The following UBR4 variants were observed in gnomAD, a reference collection of about 807,000 sequenced individuals.
UBR4 encodes ubiquitin protein ligase E3 component n-recognin 4.
A neutral mutation model predicts 575.6 loss-of-function variants in UBR4; 124 were observed. The ratio of observed to expected loss-of-function variants is 0.22; its 90% CI spans 0.19 to 0.25. The LOEUF (loss-of-function observed/expected upper bound fraction) is 0.25, where lower values mean the gene tolerates loss of function less well. UBR4 is among the 10% of genes least tolerant of loss of function. The pLI is 1.00. For synonymous variants in UBR4, 2,455 were observed against 2,473.7 expected, an observed-to-expected ratio of 0.99 and a Z score of 0.22; for missense variants, 4,818 against 6,478.8, an observed-to-expected ratio of 0.74 and a Z score of 8.80.
chr1:19,153,398 G>A lies in UBR4; in HGVS notation c.6735C>T (p.Asn2245=), dbSNP rs375042914. The A allele has an allele frequency of 4.3e-5, 70 of 1,614,166 alleles. 1 individual carries two copies. The South Asian group carries it at 6.3e-4, about 14-fold the overall frequency. Residue 2245 remains asparagine (N), a synonymous_variant, in exon 46 of 106, where the codon AAC becomes AAT. Coordinates refer to ENST00000375254, the MANE Select transcript of UBR4 (RefSeq NM_020765.3). The surrounding 1 kb of genome is among the most constrained non-coding windows in gnomAD (Gnocchi z 4.1). ...GCAGCCAGTAGGAGGTGTTCTCCAC[G>A]TTGGCCATGTAAATGCGCAGGCTGC... is the stretch of plus-strand genomic sequence containing the variant. ...EDGSLRIYMA[N]VENTSYWLQP...
chr1:19,178,946 T>C, intron 18 of UBR4, 105 bp downstream of exon 18: 1 of 1,405,894 alleles, frequency 7.1e-7, no homozygotes, highest in Non-Finnish European at 9.8e-7. Flanking sequence ...CTCTAAACAT[T>C]ATCATTACAG....
intron 33 of UBR4, 70 bp from the exon 34 acceptor site, chr1:19,163,897 A>T (rs1429115268): frequency 1.3e-6 from 2 of 1,495,152 alleles, no homozygotes; most frequent in Admixed American, 1.7e-5. Context: ...GAAATGAGGC[A>T]TCTTCATTAA....
intron 1 of UBR4, among the ~76,000 whole-genome samples, chr1:19,207,560 C>T (rs12723349): frequency 6.6e-6 from 1 of 152,038 alleles, no homozygotes; most frequent in African/African-American, 2.4e-5. Flanking sequence ...ACCTGGGAGG[C>T]GTAGGTTGCA....
rs148969211 is a variant in UBR4, at chr1:19,106,724, T to A, written c.12238A>T (p.Ile4080Leu). 2.5e-6 allele frequency: 4 copies of A among 1,598,852 alleles called. No homozygotes were observed. The highest frequency in any genetic ancestry group is 3.4e-6 in the Non-Finnish European group (4 of 1,171,314). Residue 4080 changes from isoleucine to leucine, a missense_variant and splice_region_variant, in exon 83 of 106, where the codon ATA becomes TTA. Transcript: ENST00000375254. Reference sequence around the variant, plus strand: ...CTGGGGGCTTTCCCATTGCCATCTATCCCTGCAAGGCCAAGGGTTGCAGGG... The same window carrying A: ...CTGGGGGCTTTCCCATTGCCATCTAACCCTGCAAGGCCAAGGGTTGCAGGG... ...AWKKCLPIRG[I>L]DGNGKAPSKS...
Position 19,124,669 on chromosome 1 carries a change from C to CA in UBR4, c.9459dup (p.Glu3154Ter), listed in dbSNP as rs1216271584. On this transcript the variant is annotated frameshift_variant, in exon 65 of 106. Coordinates refer to ENST00000375254, the MANE Select transcript of UBR4 (RefSeq NM_020765.3). LOFTEE classifies it high-confidence loss of function. ...TCTGTTAGAAGCTGAGTATAGGCCTCAAACACATCAGCAGCATGACCCTGG... is the reference window on the plus strand; with the variant it reads ...TCTGTTAGAAGCTGAGTATAGGCCTCAAAACACATCAGCAGCATGACCCTGG... 1 of 1,613,866 alleles carries CA rather than the reference C, an allele frequency of 6.2e-7. No homozygotes were observed. The highest frequency in any genetic ancestry group is 8.5e-7 in the Non-Finnish European group (1 of 1,179,964).
Position 19,197,273 on chromosome 1 carries a change from A to G in UBR4, c.894-8T>C. ...ATCACCAATGAATGAAAGCTGGAAC[A>G]TGACAGAGATCAACAAGTGTCTCTT... On this transcript the variant is annotated splice_region_variant and splice_polypyrimidine_tract_variant and intron_variant, in intron 7 of 105. Transcript: ENST00000375254. 1 of 1,614,130 alleles carries G rather than the reference A, an allele frequency of 6.2e-7. No homozygotes were observed. The highest frequency in any genetic ancestry group is 8.5e-7 in the Non-Finnish European group (1 of 1,179,974).
rs1239640970 is a variant in UBR4 at position 19,117,565 on chromosome 1, T to C, written c.10630-151A>G. The C allele has an allele frequency of 8.0e-6, 8 of 1,005,330 alleles. No individual in the cohort carries two copies. Among genetic ancestry groups the C allele is most frequent in the Non-Finnish European group, 1.1e-5 (8 of 703,076 alleles). The allele number at this position is 1,005,330 out of a possible 1,614,324, so 62.3% of individuals were successfully genotyped here. Reference sequence around the variant, plus strand: ...TTTGTAGAGATGGGGTCTCACCATCTTGCCCAGGCTGGTCTAAAACCCCTG... The same window carrying C: ...TTTGTAGAGATGGGGTCTCACCATCCTGCCCAGGCTGGTCTAAAACCCCTG... On this transcript the variant is annotated intron_variant, in intron 72 of 105. Coordinates refer to ENST00000375254, the MANE Select transcript of UBR4 (RefSeq NM_020765.3). The surrounding 1 kb of genome is among the most constrained non-coding windows in gnomAD (Gnocchi z 4.0).
rs754695213 is a variant in UBR4, at chr1:19,150,738, A to G, written c.7269T>C (p.Tyr2423=). The change falls in exon 49 of 106, where the codon TAT becomes TAC. Residue 2423 remains tyrosine, a synonymous_variant. Transcript: ENST00000375254. ...AGCCAAACTGCTCCTTAGTCTTGCC[A>G]TAAATTTTTACAGCATCTATCATGG... ...GVTMIDAVKI[Y]GKTKEQFGWP... 1.7e-5 allele frequency: 28 copies of G among 1,614,010 alleles called. No homozygotes were observed. The highest frequency in any genetic ancestry group is 5.0e-5 in the Admixed American group (3 of 60,006).
intron 86 of UBR4, 152 bp from the exon 87 acceptor site, chr1:19,104,409 T>C: frequency 1.7e-6 from 2 of 1,203,122 alleles, no homozygotes; most frequent in Non-Finnish European, 1.2e-6. Flanking sequence ...AAACAGTCAA[T>C]AGCAAACAGG....
Position 19,139,223 on chromosome 1 carries a change from G to C in UBR4, c.8594-3C>G. 6.2e-7 allele frequency: 1 copy of C among 1,603,512 alleles called. No homozygotes were observed. The highest frequency in any genetic ancestry group is 8.5e-7 in the Non-Finnish European group (1 of 1,174,340). On this transcript the variant is annotated splice_region_variant and splice_polypyrimidine_tract_variant and intron_variant, in intron 58 of 105. Transcript: ENST00000375254. The surrounding 1 kb of genome is among the most constrained non-coding windows in gnomAD (Gnocchi z 4.2). ...GCCCTCGTCGTCTGAGGCTGGAGCT[G>C]AGAGAGTAACGAGAGCTGTTACAGG...
At chr1:19,155,392 C>T (rs921611965) in intron 43 of UBR4, 49 bp downstream of exon 43, 2 of 1,540,482 alleles carry the variant, frequency 1.3e-6, no homozygotes, top group Middle Eastern at 1.7e-4. Context: ...AGAGGAGTTG[C>T]TAAATAATTA....
chr1:19,115,735 G>C, intron 73 of UBR4, 98 bp from the exon 74 acceptor site: 1 of 1,516,700 alleles, frequency 6.6e-7, no homozygotes, highest in South Asian at 1.3e-5. Flanking sequence ...ATTTTTCTAA[G>C]GCAATTAAGT....
At position 19,144,855 on chromosome 1, in the gene UBR4, G is replaced by A; in HGVS notation, c.7998C>T (p.Gly2666=). The change falls in exon 54 of 106, where the codon GGC becomes GGT. Residue 2666 remains glycine (G), a synonymous_variant. Coordinates refer to ENST00000375254, the MANE Select transcript of UBR4 (RefSeq NM_020765.3). ...TVNALVDIIH[G]YCTCELDCIN... ...TACAATCCAGCTCACAGGTACAGTA[G>A]CCATGGATGATGTCCACCAGAGCAT... 6.2e-7 allele frequency: 1 copy of A among 1,614,164 alleles called. No individual in the cohort carries two copies. The highest frequency in any genetic ancestry group is 2.2e-5 in the East Asian group (1 of 44,870).
chr1:19,178,820 G>A (rs12041047), intron 18 of UBR4, among the ~76,000 whole-genome samples: 2 of 152,118 alleles, frequency 1.3e-5, no homozygotes, highest in Admixed American at 6.5e-5. Flanking sequence ...TGGTTCCATC[G>A]CATAATTATA....
intron 9 of UBR4, 78 bp from the exon 10 acceptor site, chr1:19,192,618 A>C: frequency 2.0e-6 from 3 of 1,501,442 alleles, no homozygotes; most frequent in Non-Finnish European, 2.8e-6. Flanking sequence ...TACCCAAACA[A>C]TTTAACTTGA....
chr1:19,085,573 G>C (rs1432304639), intron 101 of UBR4, among the ~76,000 whole-genome samples: 2 of 152,200 alleles, frequency 1.3e-5, no homozygotes, highest in Non-Finnish European at 2.9e-5. Context: ...CATTGTCACT[G>C]CCAGCTGCCT....
At chr1:19,169,289 G>C (rs1436805356) in intron 27 of UBR4, 146 bp downstream of exon 27, 2 of 582,624 alleles carry the variant, frequency 3.4e-6, no homozygotes, top group Non-Finnish European at 5.5e-6. Context: ...TAAATGCATT[G>C]ATTAATGATT....
rs936628704 is a variant in UBR4, at chr1:19,121,916, A to G, written c.9895+18T>C. 11 of 1,613,934 alleles carry G rather than the reference A, an allele frequency of 6.8e-6. No homozygotes were observed. The highest frequency in any genetic ancestry group is 8.5e-6 in the Non-Finnish European group (10 of 1,179,938). ...GAATGAATGAATAACAGCAATCAAA[A>G]GGAGCAGCATTGCTTACAGTCATCT... is the stretch of plus-strand genomic sequence containing the variant. On this transcript the variant is annotated intron_variant, in intron 67 of 105. Transcript: ENST00000375254.
rs757393535 is a variant in UBR4, at chr1:19,197,969, G to A, written c.729C>T (p.Asn243=). ...IKTKNVFIAQ[N]VASLQELGGS... ...TACCAAGCTCTTGAAGACTAGCCAC[G>A]TTCTGAGCTATGAACACATTCTTGG... Residue 243 remains asparagine (N), a synonymous_variant, in exon 6 of 106, where the codon AAC becomes AAT. Transcript: ENST00000375254. 25 of 1,613,996 alleles carry A rather than the reference G, an allele frequency of 1.5e-5. No homozygotes were observed. Among genetic ancestry groups the A allele is most frequent in the Admixed American group, 6.7e-5 (4 of 59,996 alleles).
Sources: gnomAD v4.1 joint callset for allele counts (sites outside exome capture counted in the v4.1 genomes callset) on GRCh38, gnomAD v4.1.1 for gene constraint, Gnocchi (gnomAD v3.1) non-coding constraint, MANE v1.5 for transcripts, NCBI Gene and HGNC (gene_info 2026-07-23, HGNC 2026-07-21) for gene names.